Variants in LMBR1 observed in about 807,000 individuals in gnomAD.
LMBR1 encodes limb development membrane protein 1.
Under a neutral mutation model 73.9 loss-of-function variants are expected in LMBR1, and 52 were observed. That is an observed-to-expected ratio of 0.70 (90% CI 0.56 to 0.89). The LOEUF is 0.89. LMBR1 is among the 40% of genes least tolerant of loss of function. The pLI is 0.00. For missense variants in LMBR1, 539 were observed against 579.8 expected, an observed-to-expected ratio of 0.93 and a Z score of 0.72; for synonymous variants, 215 against 209.4, an observed-to-expected ratio of 1.03 and a Z score of -0.23.
chr7:156,804,823 A>AG (rs1412683653), intron 4 of LMBR1, among the ~76,000 whole-genome samples: 3 of 151,896 alleles, frequency 2.0e-5, no homozygotes. Flanking sequence ...GTATCTTTAA[A>AG]GAACAAAATT....
chr7:156,681,148 A>T lies in LMBR1; in HGVS notation c.*2930T>A, dbSNP rs535159977. The T allele has an allele frequency of 2.2e-6, 1 of 449,424 alleles. No individual in the cohort carries two copies. The highest frequency in any genetic ancestry group is 7.0e-5 in the East Asian group (1 of 14,266). The allele number at this position is 449,424 out of a possible 1,614,324, so 27.8% of individuals were successfully genotyped here. On this transcript the variant is annotated 3_prime_UTR_variant, in exon 17 of 17. Coordinates refer to ENST00000353442, the MANE Select transcript of LMBR1 (RefSeq NM_022458.4). ...TAAATAACGTGCTACCAACAAAACT[A>T]GCACATAAGAGCCTGTAAATGATGA...
chr7:156,734,077 C>T (rs751516856), intron 10 of LMBR1, 100 bp downstream of exon 10: 1 of 663,138 alleles, frequency 1.5e-6, no homozygotes, highest in Non-Finnish European at 2.4e-6. Flanking sequence ...AAAGTTTTAA[C>T]ATAAAGATTT....
chr7:156,874,146 C>A (rs372132608), intron 1 of LMBR1, among the ~76,000 whole-genome samples: 1 of 152,244 alleles, frequency 6.6e-6, no homozygotes, highest in Non-Finnish European at 1.5e-5. Context: ...CCGAGCCCCA[C>A]CCGCGGGAAG....
chr7:156,711,007 T>G (rs924909805), intron 15 of LMBR1, among the ~76,000 whole-genome samples: 20 of 151,770 alleles, frequency 1.3e-4, no homozygotes, highest in African/African-American at 4.4e-4. Flanking sequence ...AAGAAAAAAA[T>G]AAATAAATAA....
intron 1 of LMBR1, among the ~76,000 whole-genome samples, chr7:156,855,853 A>G (rs1796889373): frequency 6.6e-6 from 1 of 152,166 alleles, no homozygotes; most frequent in African/African-American, 2.4e-5. Flanking sequence ...GAAAGCTGTA[A>G]AATATTTCAA....
intron 1 of LMBR1, among the ~76,000 whole-genome samples, chr7:156,882,696 T>C (rs1042589205): frequency 5.3e-5 from 8 of 152,192 alleles, no homozygotes; most frequent in South Asian, 2.1e-4. Context: ...AAATCTGCTG[T>C]GCAACATTGT....
At chr7:156,812,649 G>GT (rs1833284571) in intron 4 of LMBR1, among the ~76,000 whole-genome samples, 1 of 152,170 alleles carries the variant, frequency 6.6e-6, no homozygotes, top group Non-Finnish European at 1.5e-5. Context: ...ATTTCAGCCT[G>GT]TAAGACTCTA....
intron 4 of LMBR1, chr7:156,822,881 G>A (rs1835021897): frequency 6.6e-6 from 1 of 152,190 alleles, no homozygotes; most frequent in South Asian, 2.1e-4. Context: ...AGGCCGAAGA[G>A]GGTGGATCAC....
intron 15 of LMBR1, among the ~76,000 whole-genome samples, chr7:156,710,872 C>A (rs1372720340): frequency 6.6e-6 from 1 of 152,110 alleles, no homozygotes; most frequent in Non-Finnish European, 1.5e-5. Flanking sequence ...TACCTGTAGT[C>A]CCCTGAAACA....
At chr7:156,784,001 T>TTG (rs1554516252) in intron 5 of LMBR1, among the ~76,000 whole-genome samples, 2 of 150,288 alleles carry the variant, frequency 1.3e-5, no homozygotes, top group Non-Finnish European at 3.0e-5. Context: ...TTTTTCTGTT[T>TTG]TTTTTTTTTT....
intron 5 of LMBR1, among the ~76,000 whole-genome samples, chr7:156,765,194 C>T (rs1343469180): frequency 2.0e-5 from 3 of 152,150 alleles, no homozygotes; most frequent in African/African-American, 7.2e-5. Flanking sequence ...TTGCCTGTGT[C>T]CCCACCCAAA....
chr7:156,677,002 C>CA (rs1804184457), downstream of LMBR1: 1 of 213,440 alleles, frequency 4.7e-6, no homozygotes, highest in Admixed American at 5.1e-5. Context: ...CCTTAAGTTC[C>CA]AAATGTTTTC....
chr7:156,836,671 T>C, intron 2 of LMBR1, 142 bp downstream of exon 2: 1 of 493,738 alleles, frequency 2.0e-6, no homozygotes, highest in Non-Finnish European at 3.5e-6. Context: ...TTTTTAGGTC[T>C]CCTAGTACCA....
chr7:156,872,079 GC>G (rs1480394358), intron 1 of LMBR1: 3 of 152,082 alleles, frequency 2.0e-5, no homozygotes, highest in African/African-American at 7.2e-5. Flanking sequence ...AATAAATTTA[GC>G]TTTGAACACT....
chr7:156,693,360 A>C (rs141186302), intron 15 of LMBR1, among the ~76,000 whole-genome samples: 480 of 145,924 alleles, frequency 3.3e-3, no homozygotes, highest in African/African-American at 0.012. Context: ...CATTAGAAAA[A>C]TCAACAAGAG....
chr7:156,871,343 T>C (rs755152542), intron 1 of LMBR1, among the ~76,000 whole-genome samples: 47 of 152,222 alleles, frequency 3.1e-4, no homozygotes, highest in African/African-American at 8.4e-4. Flanking sequence ...GATGGTTTCA[T>C]TGATGAATGC....
At chr7:156,776,344 C>T (rs964034912) in intron 5 of LMBR1, among the ~76,000 whole-genome samples, 10 of 152,054 alleles carry the variant, frequency 6.6e-5, no homozygotes, top group African/African-American at 2.2e-4. Context: ...AAGAAGCAGT[C>T]CCATCTTTCT....
chr7:156,868,742 G>T (rs902642741), intron 1 of LMBR1, among the ~76,000 whole-genome samples: 1 of 151,888 alleles, frequency 6.6e-6, no homozygotes. Context: ...AACGTGGGCA[G>T]ATAGCTTGAG....
chr7:156,676,408 G>A (rs1804053713), downstream of LMBR1: 2 of 1,613,956 alleles, frequency 1.2e-6, no homozygotes, highest in Non-Finnish European at 8.5e-7. Context: ...TTCCCGTCCT[G>A]TGTGCCGCAG....
Sources: gnomAD v4.1 joint callset for allele counts (sites outside exome capture counted in the v4.1 genomes callset) on GRCh38, gnomAD v4.1.1 for gene constraint, MANE v1.5 for transcripts, NCBI Gene and HGNC (gene_info 2026-07-23, HGNC 2026-07-21) for gene names.